CSMD1: variants seen among roughly 807,000 people sequenced by gnomAD.
CSMD1 encodes CUB and Sushi multiple domains 1.
CSMD1 carries 213 observed loss-of-function variants against 417.5 expected under a neutral mutation model. That is an observed-to-expected ratio of 0.51 (90% confidence interval 0.46 to 0.57). CSMD1 has a LOEUF of 0.57. Among genes scored for constraint, CSMD1 ranks in the 20% least tolerant of loss-of-function variants. CSMD1 has a pLI of 0.00. For synonymous variants in CSMD1, 2,862 were observed against 1,736.8 expected, an observed-to-expected ratio of 1.65 and a Z score of -16.11; for missense variants, 6,923 against 4,529.7, an observed-to-expected ratio of 1.53 and a Z score of -15.17.
At chr8:4,544,994 T>C (rs1790202809) in intron 2 of CSMD1, among the ~76,000 whole-genome samples, 1 of 152,226 alleles carries the variant, frequency 6.6e-6, no homozygotes, top group Admixed American at 6.5e-5. Flanking sequence ...CGTAATGCAT[T>C]TTACTCTATA....
At chr8:4,102,594 T>G (rs1049064189) in intron 3 of CSMD1, among the ~76,000 whole-genome samples, 1 of 152,204 alleles carries the variant, frequency 6.6e-6, no homozygotes, top group South Asian at 2.1e-4. Context: ...TTCAATCTAA[T>G]GTAACTCATG....
In CSMD1 at chr8:3,188,896, C is replaced by G; in HGVS notation, c.5514G>C (p.Ser1838=). 1.3e-6 allele frequency: 2 copies of G among 1,568,910 alleles called. No individual in the cohort carries two copies. Among genetic ancestry groups the G allele is most frequent in the Non-Finnish European group, 1.7e-6 (2 of 1,156,536 alleles). ...GACTTCAAGGACTCACCTGAATTCC[C>G]GAGCCCTCCGTAACTATGATCTTCC... The part of the protein sequence containing the change: ...CIWKIIVTEG[S]GIQIQVISFA... The change falls in exon 35 of 70, where the codon TCG becomes TCC. Residue 1838 remains serine (S), a synonymous_variant. Coordinates refer to ENST00000635120, the MANE Select transcript of CSMD1 (RefSeq NM_033225.6).
At chr8:3,849,707 C>G (rs1043037773) in intron 5 of CSMD1, among the ~76,000 whole-genome samples, 7 of 152,138 alleles carry the variant, frequency 4.6e-5, no homozygotes, top group Non-Finnish European at 8.8e-5. Flanking sequence ...AGGATCGGCA[C>G]AGGAAACACA....
chr8:4,028,540 C>T (rs1358704594), intron 4 of CSMD1, among the ~76,000 whole-genome samples: 3 of 151,838 alleles, frequency 2.0e-5, no homozygotes, highest in Non-Finnish European at 2.9e-5. Flanking sequence ...CAATAACTAG[C>T]GAAGGATAAA....
intron 1 of CSMD1, among the ~76,000 whole-genome samples, chr8:4,823,233 T>G (rs1306856403): frequency 6.6e-6 from 1 of 152,086 alleles, no homozygotes; most frequent in African/African-American, 2.4e-5. Flanking sequence ...ACTCTTTAAT[T>G]GCCTAATTCT....
At position 3,972,471 on chromosome 8, in the gene CSMD1, T is replaced by C. The variant is rs563024317; in HGVS notation, c.818+25432A>G. 3.3e-5 allele frequency among the ~76,000 whole-genome samples: 5 copies of C among 152,348 alleles called. No individual in the cohort carries two copies. In the East Asian group the frequency reaches 9.7e-4, roughly 29 times the overall value. Reference sequence around the variant, plus strand: ...AACAGTGATTCCTTGGCTTCTTTCATTCCTTTCTCATTGGAATGAATTTTT... The same window carrying C: ...AACAGTGATTCCTTGGCTTCTTTCACTCCTTTCTCATTGGAATGAATTTTT... On this transcript the variant is annotated intron_variant, in intron 5 of 69. Coordinates refer to ENST00000635120, the MANE Select transcript of CSMD1 (RefSeq NM_033225.6).
chr8:3,110,460 T>C (rs1375320981), intron 42 of CSMD1, 125 bp from the exon 43 acceptor site: 5 of 721,110 alleles, frequency 6.9e-6, no homozygotes, highest in Non-Finnish European at 1.0e-5. Flanking sequence ...GTGAAATATT[T>C]CTGAATCACC....
At chr8:4,277,459 A>G (rs572185302) in intron 3 of CSMD1, among the ~76,000 whole-genome samples, 1 of 152,002 alleles carries the variant, frequency 6.6e-6, no homozygotes, top group Non-Finnish European at 1.5e-5. Context: ...TCCTCACCAC[A>G]TACTTAAATG....
At chr8:4,808,240 G>C (rs932926520) in intron 1 of CSMD1, among the ~76,000 whole-genome samples, 10 of 152,150 alleles carry the variant, frequency 6.6e-5, no homozygotes, top group African/African-American at 2.4e-4. Flanking sequence ...TGCTGCATTA[G>C]GAACGATGAT....
At chr8:3,265,532 G>C (rs1048666900) in intron 26 of CSMD1, among the ~76,000 whole-genome samples, 1 of 152,172 alleles carries the variant, frequency 6.6e-6, no homozygotes, top group Non-Finnish European at 1.5e-5. Flanking sequence ...GAGTCTTAGA[G>C]AGAGGGAGTA....
chr8:3,673,565 T>A (rs771920927), intron 7 of CSMD1, among the ~76,000 whole-genome samples: 1 of 152,162 alleles, frequency 6.6e-6, no homozygotes, highest in Non-Finnish European at 1.5e-5. Context: ...GCCTACCCTC[T>A]CAGTATGCAC....
At chr8:4,331,045 A>G (rs537576642) in intron 3 of CSMD1, among the ~76,000 whole-genome samples, 3 of 152,328 alleles carry the variant, frequency 2.0e-5, no homozygotes, top group South Asian at 4.1e-4. Flanking sequence ...TGCAGATTCA[A>G]TAACTATTTC....
At chr8:4,484,402 T>C (rs1801258781) in intron 2 of CSMD1, among the ~76,000 whole-genome samples, 1 of 152,150 alleles carries the variant, frequency 6.6e-6, no homozygotes, top group Non-Finnish European at 1.5e-5. Flanking sequence ...TCACGAACTA[T>C]ATCAGAACCA....
intron 25 of CSMD1, among the ~76,000 whole-genome samples, chr8:3,298,896 G>T (rs1278290293): frequency 6.6e-6 from 1 of 152,120 alleles, no homozygotes; most frequent in African/African-American, 2.4e-5. Flanking sequence ...CTGAGTTCTG[G>T]TTACATGGGG....
intron 5 of CSMD1, among the ~76,000 whole-genome samples, chr8:3,891,567 C>T (rs1472422479): frequency 6.6e-6 from 1 of 152,030 alleles, no homozygotes; most frequent in Admixed American, 6.6e-5. Context: ...CCTGTAGTCT[C>T]AACTAGTTGG....
intron 3 of CSMD1, among the ~76,000 whole-genome samples, chr8:4,036,026 AG>A (rs1797598708): frequency 6.6e-6 from 1 of 152,102 alleles, no homozygotes; most frequent in Non-Finnish European, 1.5e-5. Context: ...TTCTATGTTT[AG>A]AGACACATAT....
intron 41 of CSMD1, among the ~76,000 whole-genome samples, chr8:3,124,647 G>C (rs540821071): frequency 6.6e-6 from 1 of 152,084 alleles, no homozygotes; most frequent in Admixed American, 6.6e-5. Context: ...CTCCTAAAGT[G>C]TGTGCCCCTT....
chr8:4,916,617 A>T (rs1806082869), intron 1 of CSMD1, among the ~76,000 whole-genome samples: 1 of 152,236 alleles, frequency 6.6e-6, no homozygotes, highest in Admixed American at 6.5e-5. Context: ...CTACTTGGGG[A>T]AACTCTGTAG....
intron 2 of CSMD1, among the ~76,000 whole-genome samples, chr8:4,607,412 A>G (rs1188425398): frequency 6.6e-6 from 1 of 152,174 alleles, no homozygotes; most frequent in Non-Finnish European, 1.5e-5. Flanking sequence ...TGCAGGCAAC[A>G]ACTTCACGTG....
Sources: allele counts gnomAD v4.1 joint callset (sites outside exome capture counted in the v4.1 genomes callset), GRCh38; gene constraint gnomAD v4.1.1; transcripts MANE v1.5; gene names NCBI Gene and HGNC (gene_info 2026-07-23, HGNC 2026-07-21).